PRKN: variants seen among roughly 807,000 people sequenced by gnomAD.
The protein encoded by PRKN is parkin RBR E3 ubiquitin protein ligase.
PRKN carries 56 observed loss-of-function variants against 59.5 expected under a neutral mutation model. The observed-to-expected ratio is 0.94, with a 90% confidence interval of 0.76 to 1.18. The LOEUF (loss-of-function observed/expected upper bound fraction) is 1.18. Among genes scored for constraint, PRKN ranks in the 50% most tolerant of loss-of-function variants. The pLI is 0.00. For synonymous variants in PRKN, 250 were observed against 222.1 expected, an observed-to-expected ratio of 1.13 and a Z score of -1.12; for missense variants, 657 against 596.4, an observed-to-expected ratio of 1.10 and a Z score of -1.06.
At chr6:161,610,937 G>C (rs1292997286) in intron 7 of PRKN, among the ~76,000 whole-genome samples, 1 of 152,080 alleles carries the variant, frequency 6.6e-6, no homozygotes, top group Non-Finnish European at 1.5e-5. Context: ...AGAGTTGTTT[G>C]AATTTTATTC....
intron 4 of PRKN, among the ~76,000 whole-genome samples, chr6:162,061,749 C>A (rs1370181774): frequency 6.6e-6 from 1 of 152,186 alleles, no homozygotes; most frequent in South Asian, 2.1e-4. Context: ...AAATATTCAT[C>A]CACTTACCAA....
At chr6:161,469,121 C>T (rs1790635219) in intron 9 of PRKN, among the ~76,000 whole-genome samples, 1 of 152,118 alleles carries the variant, frequency 6.6e-6, no homozygotes, top group Non-Finnish European at 1.5e-5. Flanking sequence ...GTTCTGTGTC[C>T]CCATCCAAAT....
rs1787423084 is a variant in PRKN, at chr6:161,409,386, G to A, written c.1084-22509C>T. On this transcript the variant is annotated intron_variant, in intron 9 of 11. Transcript: ENST00000366898. The surrounding 1 kb of genome is among the most constrained non-coding windows in gnomAD (Gnocchi z 4.6). The stretch of plus-strand genomic sequence containing the variant: ...GGTTATAACGGCCATATGTCTCCCT[G>A]AGTAGGATTTTCCAGAAGAAATTAC... Among the ~76,000 whole-genome samples the A allele has an allele frequency of 6.6e-6, 1 of 152,164 alleles. No homozygotes were observed. The highest frequency in any genetic ancestry group is 1.5e-5 in the Non-Finnish European group (1 of 68,042).
chr6:161,950,498 T>C (rs1222785012), intron 6 of PRKN, among the ~76,000 whole-genome samples: 2 of 152,124 alleles, frequency 1.3e-5, no homozygotes, highest in African/African-American at 4.8e-5. Context: ...GAAGCCGAGA[T>C]TGCGCCACTG....
chr6:161,797,284 C>T (rs964289601), intron 6 of PRKN, among the ~76,000 whole-genome samples: 2 of 152,080 alleles, frequency 1.3e-5, no homozygotes, highest in East Asian at 3.9e-4. Context: ...CAGAGTCTCA[C>T]TCGGTCACCC....
intron 4 of PRKN, among the ~76,000 whole-genome samples, chr6:162,078,602 G>A (rs1778928960): frequency 6.6e-6 from 1 of 152,024 alleles, no homozygotes; most frequent in South Asian, 2.1e-4. Flanking sequence ...TTTTAAGTTT[G>A]ATAAAAAAGC....
At chr6:161,432,629 A>T (rs964032320) in intron 9 of PRKN, among the ~76,000 whole-genome samples, 1 of 143,540 alleles carries the variant, frequency 7.0e-6, no homozygotes, top group Admixed American at 7.4e-5. Context: ...CAATCTGCCC[A>T]CCTCGGCCTC....
chr6:161,970,390 G>A (rs1414943742), intron 6 of PRKN, among the ~76,000 whole-genome samples: 1 of 128,474 alleles, frequency 7.8e-6, no homozygotes, highest in East Asian at 2.1e-4. Context: ...GAAAAAGCAT[G>A]ATACGAAACT....
At chr6:162,373,384 T>C (rs1435445430) in intron 2 of PRKN, among the ~76,000 whole-genome samples, 2 of 152,202 alleles carry the variant, frequency 1.3e-5, no homozygotes, top group African/African-American at 4.8e-5. Context: ...AATTTCTTTG[T>C]TGGATGTTAA....
chr6:162,173,470 A>T (rs1783384297), intron 4 of PRKN, among the ~76,000 whole-genome samples: 1 of 151,728 alleles, frequency 6.6e-6, no homozygotes, highest in South Asian at 2.1e-4. Context: ...TTGACCTTTG[A>T]CACTTGTGAG....
rs543989959 is a variant in PRKN at position 161,758,112 on chromosome 6, G to T, written c.871+27660C>A. ...AGGAACTGGAGCAACTAGAACTCTC[G>T]TACATTCTGGGTGGGCATGTAAAAT... On this transcript the variant is annotated intron_variant, in intron 7 of 11. Transcript: ENST00000366898. 1.3e-3 allele frequency among the ~76,000 whole-genome samples: 199 copies of T among 151,568 alleles called. 1 individual carries two copies. Among genetic ancestry groups the T allele is most frequent in the African/African-American group, 4.6e-3 (190 of 41,316 alleles).
rs1582991322 is a variant in PRKN at position 161,678,898 on chromosome 6, T to A, written c.871+106874A>T. On this transcript the variant is annotated intron_variant, in intron 7 of 11. Transcript: ENST00000366898. ...CCTGATTTTATTTTTAAAAATTAAT[T>A]TTCAGGCATGGCAACAAATAAAGAA... 1.3e-5 allele frequency among the ~76,000 whole-genome samples: 2 copies of A among 152,270 alleles called. 1 individual carries two copies. The highest frequency in any genetic ancestry group is 6.8e-3 in the Middle Eastern group (2 of 294).
chr6:161,528,611 C>T (rs538915131), intron 9 of PRKN, among the ~76,000 whole-genome samples: 2 of 152,258 alleles, frequency 1.3e-5, no homozygotes, highest in East Asian at 3.9e-4. Flanking sequence ...CAACTGACTC[C>T]AGGGCACACC....
intron 5 of PRKN, among the ~76,000 whole-genome samples, chr6:162,003,877 G>A (rs972771732): frequency 2.0e-5 from 3 of 152,082 alleles, no homozygotes; most frequent in African/African-American, 7.2e-5. Context: ...CTACCTATGT[G>A]TTCTATTATT....
Position 161,538,713 on chromosome 6 carries a change from C to T in PRKN, c.1083+10141G>A, listed in dbSNP as rs900176413. Among the ~76,000 whole-genome samples, 1 of 152,174 alleles carries T rather than the reference C, an allele frequency of 6.6e-6. No individual in the cohort carries two copies. Among genetic ancestry groups the T allele is most frequent in the African/African-American group, 2.4e-5 (1 of 41,452 alleles). ...GTGATTTCTACATCTGTTGCAGATC[C>T]TTGGAGACCAGTGCCCATGGGACTG... On this transcript the variant is annotated intron_variant, in intron 9 of 11. Transcript: ENST00000366898. This position sits in a 1 kb window ranked among gnomAD's most constrained non-coding sequence, Gnocchi z 4.2.
At chr6:162,224,479 G>A (rs972037392) in intron 3 of PRKN, among the ~76,000 whole-genome samples, 4 of 152,056 alleles carry the variant, frequency 2.6e-5, no homozygotes, top group African/African-American at 9.7e-5. Flanking sequence ...ATCACCTAAC[G>A]GTGGACTACT....
intron 11 of PRKN, among the ~76,000 whole-genome samples, chr6:161,350,983 TA>T (rs1355591438): frequency 4.2e-5 from 2 of 47,842 alleles, no homozygotes; most frequent in African/African-American, 1.9e-4. Context: ...AAATATATTT[TA>T]TATATTTATA....
chr6:161,401,494 T>C lies in PRKN; in HGVS notation c.1084-14617A>G, dbSNP rs544724285. Among the ~76,000 whole-genome samples the C allele has an allele frequency of 6.6e-6, 1 of 152,068 alleles. No homozygotes were observed. The highest frequency in any genetic ancestry group is 2.1e-4 in the South Asian group (1 of 4,810). The stretch of plus-strand genomic sequence containing the variant: ...TGGGCGTGGTGGTGGACGCCTGTAA[T>C]CCCAGCTACTCAGGAGGCTGAGGCA... On this transcript the variant is annotated intron_variant, in intron 9 of 11. Transcript: ENST00000366898. This position sits in a 1 kb window ranked among gnomAD's most constrained non-coding sequence, Gnocchi z 4.4.
intron 6 of PRKN, among the ~76,000 whole-genome samples, chr6:161,953,879 G>A (rs919083816): frequency 6.6e-6 from 1 of 152,142 alleles, no homozygotes; most frequent in Non-Finnish European, 1.5e-5. Context: ...GCAGAATGGG[G>A]CGCACCTAGG....
Sources: allele counts gnomAD v4.1 joint callset (sites outside exome capture counted in the v4.1 genomes callset), GRCh38; gene constraint gnomAD v4.1.1; non-coding constraint Gnocchi (gnomAD v3.1); transcripts MANE v1.5; gene names NCBI Gene and HGNC (gene_info 2026-07-23, HGNC 2026-07-21).